The following DMGDH variants were observed in gnomAD, a reference collection of about 807,000 sequenced individuals.
The protein encoded by DMGDH is dimethylglycine dehydrogenase, mitochondrial.
Under a neutral mutation model 95.2 loss-of-function variants are expected in DMGDH, and 76 were observed. The ratio of observed to expected loss-of-function variants is 0.80; its 90% confidence interval spans 0.66 to 0.97. The LOEUF (loss-of-function observed/expected upper bound fraction) is 0.97. DMGDH is among the 50% of genes least tolerant of loss of function. The probability of loss-of-function intolerance (pLI) is 0.00; values close to 1 mark genes in which losing one functional copy is unlikely to be tolerated. For synonymous variants in DMGDH, 345 were observed against 377.6 expected (o/e 0.91, Z 1.00); for missense variants, 987 against 1,055.0 (o/e 0.94, Z 0.89).
chr5:79,042,755 T>A (rs1234942135), intron 6 of DMGDH, among the ~76,000 whole-genome samples: 1 of 141,852 alleles, frequency 7.0e-6, no homozygotes, highest in African/African-American at 2.6e-5. Context: ...TTTCTGATAT[T>A]TAATCCAATC....
At chr5:79,035,193 A>G (rs952619868) in intron 7 of DMGDH, among the ~76,000 whole-genome samples, 1 of 152,198 alleles carries the variant, frequency 6.6e-6, no homozygotes, top group Non-Finnish European at 1.5e-5. Context: ...GAAAGCAAGA[A>G]AAATTATTAA....
At chr5:79,007,256 C>A (rs1293724610) in intron 14 of DMGDH, among the ~76,000 whole-genome samples, 1 of 152,184 alleles carries the variant, frequency 6.6e-6, no homozygotes, top group African/African-American at 2.4e-5. Context: ...TTGAACAATA[C>A]CACTTTAAGC....
rs370674020 is a variant in DMGDH at position 79,023,660 on chromosome 5, C to A, written c.2250+611G>T. ...TAGTCTGAAGGCTACATTTTAAGAA[C>A]CACTGATGTAGGAGTTCCCTTTGGA... is the stretch of plus-strand genomic sequence containing the variant. On this transcript the variant is annotated intron_variant, in intron 14 of 15. Coordinates refer to ENST00000255189, the MANE Select transcript of DMGDH (RefSeq NM_013391.3). Among the ~76,000 whole-genome samples the A allele has an allele frequency of 1.2e-4, 18 of 152,278 alleles. 1 individual carries two copies. The East Asian group carries it at 1.5e-3, about 13-fold the overall frequency.
intron 5 of DMGDH, among the ~76,000 whole-genome samples, chr5:79,049,973 T>C (rs1754788520): frequency 6.6e-6 from 1 of 152,024 alleles, no homozygotes; most frequent in Non-Finnish European, 1.5e-5. Flanking sequence ...ATAATATCAA[T>C]CGGCTGGACG....
intron 8 of DMGDH, 83 bp from the exon 9 acceptor site, chr5:79,032,923 A>G (rs1308375075): frequency 6.5e-7 from 1 of 1,537,906 alleles, no homozygotes; most frequent in Non-Finnish European, 8.9e-7. Flanking sequence ...ATGGAAATAC[A>G]GTACTTAAAA....
chr5:79,049,438 C>T (rs942798946), intron 5 of DMGDH, among the ~76,000 whole-genome samples: 1 of 152,276 alleles, frequency 6.6e-6, no homozygotes, highest in Non-Finnish European at 1.5e-5. Context: ...AATGGTGGGG[C>T]TTTGTCCAAG....
intron 7 of DMGDH, among the ~76,000 whole-genome samples, chr5:79,036,126 G>T (rs1754341731): frequency 6.6e-6 from 1 of 152,216 alleles, no homozygotes; most frequent in African/African-American, 2.4e-5. Context: ...GGTGCTGGTG[G>T]AGAATTAATT....
intron 10 of DMGDH, among the ~76,000 whole-genome samples, chr5:79,030,322 G>C (rs1333865792): frequency 6.6e-6 from 1 of 152,098 alleles, no homozygotes; most frequent in East Asian, 1.9e-4. Flanking sequence ...TAAGGTCCTT[G>C]GATGAGAATT....
intron 2 of DMGDH, among the ~76,000 whole-genome samples, chr5:79,058,092 GAA>G (rs1215439329): frequency 1.3e-5 from 2 of 152,102 alleles, no homozygotes; most frequent in Admixed American, 6.6e-5. Context: ...CGTTGTCAAG[GAA>G]AAGTTAGTCT....
rs1289409514 is a variant in DMGDH, at chr5:79,001,455, G to A, written c.2386-3158C>T. 7.2e-5 allele frequency among the ~76,000 whole-genome samples: 11 copies of A among 152,188 alleles called. No homozygotes were observed. The East Asian group carries it at 1.5e-3, about 21-fold the overall frequency. On this transcript the variant is annotated intron_variant, in intron 15 of 15. Transcript: ENST00000255189. Reference sequence around the variant, plus strand: ...TGGGATTACAGGTATGAGCTAGCATGCCTGGCTTAATCATTGCTTTTTGAA... The same window carrying A: ...TGGGATTACAGGTATGAGCTAGCATACCTGGCTTAATCATTGCTTTTTGAA...
intron 7 of DMGDH, among the ~76,000 whole-genome samples, chr5:79,035,052 A>G (rs1248225346): frequency 1.3e-4 from 6 of 46,284 alleles, no homozygotes; most frequent in South Asian, 1.0e-3. Context: ...GCGAGACTCC[A>G]TCTCAAAAAA....
rs1395551167 is a variant in DMGDH, at chr5:79,069,645, G to C, written c.-25C>G. On this transcript the variant is annotated 5_prime_UTR_variant, in exon 1 of 16. Transcript: ENST00000255189. ...TGACTAGGCCGAGGCCGAGGGCGCA[G>C]GCGCCTGCTCCGAGGCCAGCGGGCA... The C allele has an allele frequency of 3.0e-6, 4 of 1,340,306 alleles. No homozygotes were observed. The highest frequency in any genetic ancestry group is 3.8e-6 in the Non-Finnish European group (4 of 1,047,088). 83.0% of individuals were successfully genotyped at this position (1,340,306 alleles called of 1,614,324 possible). A position where few individuals can be genotyped will look rare whatever the true frequency, so the allele number is the denominator to read the frequency against.
chr5:79,058,303 T>A (rs1270583485), intron 2 of DMGDH, among the ~76,000 whole-genome samples: 1 of 152,224 alleles, frequency 6.6e-6, no homozygotes. Context: ...ATATTAGCGC[T>A]TCCATTTAAA....
At chr5:79,063,966 AG>A (rs1755293251) in intron 1 of DMGDH, among the ~76,000 whole-genome samples, 179 bp from the exon 2 acceptor site, 1 of 152,112 alleles carries the variant, frequency 6.6e-6, no homozygotes, top group Admixed American at 6.5e-5. Flanking sequence ...TGGTTGGGGG[AG>A]GGGTGTTTGA....
chr5:79,065,879 T>C (rs1477034604), intron 1 of DMGDH, among the ~76,000 whole-genome samples: 3 of 152,204 alleles, frequency 2.0e-5, no homozygotes, highest in Non-Finnish European at 4.4e-5. Flanking sequence ...ACCACCATTG[T>C]ATATGTGGTC....
intron 1 of DMGDH, among the ~76,000 whole-genome samples, chr5:79,068,655 A>C (rs1251863094): frequency 6.6e-6 from 1 of 152,258 alleles, no homozygotes; most frequent in South Asian, 2.1e-4. Flanking sequence ...TAAAATTCGA[A>C]TCAACTCATA....
chr5:79,053,975 C>T (rs1273973829), intron 4 of DMGDH, among the ~76,000 whole-genome samples: 1 of 152,158 alleles, frequency 6.6e-6, no homozygotes, highest in Non-Finnish European at 1.5e-5. Flanking sequence ...AGGTGAAAAA[C>T]TAACAAGATT....
At chr5:79,018,234 T>A (rs547586302) in intron 14 of DMGDH, among the ~76,000 whole-genome samples, 1 of 152,028 alleles carries the variant, frequency 6.6e-6, no homozygotes, top group Non-Finnish European at 1.5e-5. Flanking sequence ...GAGATGGAAG[T>A]CTCACTATGT....
intron 14 of DMGDH, among the ~76,000 whole-genome samples, chr5:79,016,069 C>A (rs1226737632): frequency 6.6e-6 from 1 of 151,854 alleles, no homozygotes; most frequent in South Asian, 2.1e-4. Flanking sequence ...CCCGTCTCTA[C>A]TAAAAAAATA....
Sources: gnomAD v4.1 joint callset for allele counts (sites outside exome capture counted in the v4.1 genomes callset) on GRCh38, gnomAD v4.1.1 for gene constraint, MANE v1.5 for transcripts, NCBI Gene and HGNC (gene_info 2026-07-23, HGNC 2026-07-21) for gene names.